Variants in AGL observed in about 807,000 individuals in gnomAD.
AGL encodes amylo-alpha-1,6-glucosidase and 4-alpha-glucanotransferase, also known as glycogen debranching enzyme.
Under a neutral mutation model 199.3 loss-of-function variants are expected in AGL, and 128 were observed. The observed-to-expected ratio is 0.64, with a 90% CI of 0.56 to 0.74. The LOEUF (loss-of-function observed/expected upper bound fraction) is 0.74. Ranked by LOEUF, AGL falls within the 30% of genes least tolerant of loss-of-function variation. The pLI, the probability that AGL is intolerant of heterozygous loss-of-function variation, is 0.00. For synonymous variants in AGL, 584 were observed against 594.7 expected (o/e 0.98, Z 0.26); for missense variants, 1,809 against 1,820.8 (o/e 0.99, Z 0.12).
At chr1:99,899,677 G>A (rs982001506) in intron 25 of AGL, among the ~76,000 whole-genome samples, 4 of 150,236 alleles carry the variant, frequency 2.7e-5, no homozygotes, top group Admixed American at 2.0e-4. Flanking sequence ...CTGGAGTGCC[G>A]TGGCGCAATC....
At chr1:99,870,283 C>G in intron 5 of AGL, 117 bp from the exon 6 acceptor site, 1 of 1,079,998 alleles carries the variant, frequency 9.3e-7, no homozygotes, top group Non-Finnish European at 1.4e-6. Context: ...AAATTGATGT[C>G]CAATATAGAA....
chr1:99,877,837 A>C lies in AGL; in HGVS notation c.1611+9A>C. The C allele has an allele frequency of 6.2e-7, 1 of 1,613,290 alleles. No homozygotes were observed. ...CTCTTCACGTAGCTGAGGTACAGAA[A>C]AACAATTTATCTACATTAAGAAAAG... On this transcript the variant is annotated intron_variant, in intron 12 of 33. Coordinates refer to ENST00000361915, the MANE Select transcript of AGL (RefSeq NM_000642.3).
intron 2 of AGL, among the ~76,000 whole-genome samples, chr1:99,851,361 C>T (rs1255522556): frequency 6.6e-6 from 1 of 152,152 alleles, no homozygotes; most frequent in East Asian, 1.9e-4. Flanking sequence ...CTTTTCTCTG[C>T]GTACTAATTC....
chr1:99,866,516 T>C (rs1650523598), intron 5 of AGL, among the ~76,000 whole-genome samples: 1 of 152,206 alleles, frequency 6.6e-6, no homozygotes, highest in South Asian at 2.1e-4. Flanking sequence ...TATATTACTG[T>C]GTTCATATTG....
chr1:99,910,666 A>G (rs560447595), intron 27 of AGL, 46 bp from the exon 28 acceptor site: 29 of 1,171,514 alleles, frequency 2.5e-5, no homozygotes, highest in African/African-American at 6.2e-5. Context: ...TATATACTAT[A>G]TATAATACTT....
At chr1:99,888,394 C>G (rs1163606277) in intron 21 of AGL, among the ~76,000 whole-genome samples, 1 of 152,036 alleles carries the variant, frequency 6.6e-6, no homozygotes, top group Non-Finnish European at 1.5e-5. Context: ...AAGTAATTAC[C>G]CAGTAAATTT....
intron 2 of AGL, among the ~76,000 whole-genome samples, chr1:99,859,531 T>C (rs1347737845): frequency 7.2e-6 from 1 of 139,372 alleles, no homozygotes; most frequent in Admixed American, 7.6e-5. Flanking sequence ...TGTAACAAAA[T>C]AGAATAAATT....
At position 99,881,615 on chromosome 1, in the gene AGL, G is replaced by A. The variant is rs753424572; in HGVS notation, c.2232G>A (p.Val744=). The change falls in exon 17 of 34, where the codon GTG becomes GTA. Residue 744 remains valine, a synonymous_variant. Coordinates refer to ENST00000361915, the MANE Select transcript of AGL (RefSeq NM_000642.3). ...RHSPSIHQSV[V]AVSRTAFRNP... is the part of the protein sequence containing the mutation. ...CACCTAGCATCCATCAGTCTGTTGT[G>A]GCTGTATCTAGAACTGCTTTCAGGA... 2.0e-5 allele frequency: 32 copies of A among 1,613,816 alleles called. No individual in the cohort carries two copies. Among genetic ancestry groups the A allele is most frequent in the Admixed American group, 3.3e-5 (2 of 59,964 alleles).
intron 25 of AGL, among the ~76,000 whole-genome samples, chr1:99,899,409 A>C (rs1221512043): frequency 6.6e-6 from 1 of 152,166 alleles, no homozygotes; most frequent in Non-Finnish European, 1.5e-5. Context: ...CATTTGGTAT[A>C]TAATAGTAAA....
At position 99,879,959 on chromosome 1, in the gene AGL, T is replaced by G. The variant is rs1406754818; in HGVS notation, c.1648T>G (p.Leu550Val). ...TGCTGCTAGGAATTTGCAACCCAAT[T>G]TATATGTAGTAGCTGAACTGTTCAC... The part of the protein sequence containing the change: ...LDAARNLQPN[L>V]YVVAELFTGS... Residue 550 changes from leucine (L) to valine (V), a missense_variant, in exon 13 of 34, where the codon TTA becomes GTA. Physicochemically the swap from Leu to Val is conservative, Grantham distance 32. Transcript: ENST00000361915. The G allele has an allele frequency of 1.9e-6, 3 of 1,613,598 alleles. No individual in the cohort carries two copies. The highest frequency in any genetic ancestry group is 2.5e-6 in the Non-Finnish European group (3 of 1,179,800).
chr1:99,909,766 C>T (rs565721120), intron 27 of AGL, among the ~76,000 whole-genome samples: 1 of 151,950 alleles, frequency 6.6e-6, no homozygotes, highest in Non-Finnish European at 1.5e-5. Flanking sequence ...TATGATAGTC[C>T]ACTGTATTAT....
intron 31 of AGL, among the ~76,000 whole-genome samples, chr1:99,915,786 ACACG>A (rs965941993): frequency 2.4e-4 from 37 of 151,986 alleles, no homozygotes; most frequent in African/African-American, 8.0e-4. Context: ...ACACACACAC[ACACG>A]CACACACACA....
chr1:99,913,432 A>G, intron 29 of AGL, 95 bp from the exon 30 acceptor site: 2 of 1,031,994 alleles, frequency 1.9e-6, no homozygotes, highest in Non-Finnish European at 2.9e-6. Flanking sequence ...GCCTTGTAGT[A>G]GATAAAAATA....
chr1:99,918,880 G>A (rs1655317791), intron 33 of AGL, among the ~76,000 whole-genome samples: 1 of 152,130 alleles, frequency 6.6e-6, no homozygotes, highest in African/African-American at 2.4e-5. Context: ...CGAAAATTAT[G>A]ACGTTTTCAA....
In AGL at chr1:99,921,726, C is replaced by T. The variant is rs1448910346; in HGVS notation, c.*75C>T. ...TCATCATATGTAAATGCCTTATATG[C>T]ACAGGCTCAAGTTGTTTTAAAAATC... is the stretch of plus-strand genomic sequence containing the variant. On this transcript the variant is annotated 3_prime_UTR_variant, in exon 34 of 34. Coordinates refer to ENST00000361915, the MANE Select transcript of AGL (RefSeq NM_000642.3). 2.0e-6 allele frequency: 2 copies of T among 985,110 alleles called. No homozygotes were observed. Among genetic ancestry groups the T allele is most frequent in the African/African-American group, 1.6e-5 (1 of 62,200 alleles). 61.0% of individuals were successfully genotyped at this position (985,110 alleles called of 1,614,324 possible).
chr1:99,917,827 C>T (rs374694794), intron 33 of AGL, among the ~76,000 whole-genome samples: 2 of 152,210 alleles, frequency 1.3e-5, no homozygotes, highest in South Asian at 2.1e-4. Flanking sequence ...TTTCCCCTCC[C>T]GGCCTGTGTG....
At chr1:99,919,499 A>G (rs989339816) in intron 33 of AGL, among the ~76,000 whole-genome samples, 1 of 152,218 alleles carries the variant, frequency 6.6e-6, no homozygotes, top group Non-Finnish European at 1.5e-5. Flanking sequence ...AATGTTATTT[A>G]GAAGCCAGAT....
intron 30 of AGL, among the ~76,000 whole-genome samples, chr1:99,915,109 C>T (rs1000836017): frequency 6.6e-6 from 1 of 152,084 alleles, no homozygotes; most frequent in Non-Finnish European, 1.5e-5. Context: ...TGTGTTCTGC[C>T]TTCAGTGTAG....
Position 99,922,356 on chromosome 1 carries a change from A to G in AGL, c.*705A>G, listed in dbSNP as rs1401100148. The G allele has an allele frequency of 6.6e-6, 1 of 151,862 alleles. No individual in the cohort carries two copies. The highest frequency in any genetic ancestry group is 1.5e-5 in the Non-Finnish European group (1 of 67,824). 9.4% of individuals were successfully genotyped at this position (151,862 alleles called of 1,614,324 possible). ...TGAGTTCTATTGAGTATTATAAGATAGCTTACATTTTCAAAATGGAAATTG... is the reference window on the plus strand; with the variant it reads ...TGAGTTCTATTGAGTATTATAAGATGGCTTACATTTTCAAAATGGAAATTG... On this transcript the variant is annotated 3_prime_UTR_variant, in exon 34 of 34. Transcript: ENST00000361915.
Sources: gnomAD v4.1 joint callset for allele counts (sites outside exome capture counted in the v4.1 genomes callset) on GRCh38, gnomAD v4.1.1 for gene constraint, MANE v1.5 for transcripts, NCBI Gene and HGNC (gene_info 2026-07-23, HGNC 2026-07-21) for gene names.